OFD1: variants seen among roughly 807,000 people sequenced by gnomAD.
The protein encoded by OFD1 is centriole and centriolar satellite protein OFD1.
OFD1 carries 12 observed loss-of-function variants against 81.4 expected under a neutral mutation model. That is an observed-to-expected ratio of 0.15 (90% CI 0.09 to 0.24). The LOEUF (loss-of-function observed/expected upper bound fraction) is 0.24. Ranked by LOEUF, OFD1 falls within the 10% of genes least tolerant of loss-of-function variation. The pLI is 1.00. For synonymous variants in OFD1, 256 were observed against 263.7 expected (o/e 0.97, Z 0.28); for missense variants, 685 against 733.9 (o/e 0.93, Z 0.77).
At position 13,760,651 on chromosome X, in the gene OFD1, T is replaced by C; in HGVS notation, c.2191T>C (p.Ser731Pro). 8.3e-7 allele frequency: 1 copy of C among 1,210,996 alleles called. No individual in the cohort carries two copies. The highest frequency in any genetic ancestry group is 1.8e-5 in the South Asian group (1 of 56,922). Reference protein sequence around the residue: ...AASRLRGGTSSRRLSSTPLPK... With the variant: ...AASRLRGGTSPRRLSSTPLPK... Reference sequence around the variant, plus strand: ...CTCGAGGCTCCGCGGGGGCACTTCCTCCAGACGCCTCTCTTCCACACCCCT... The same window carrying C: ...CTCGAGGCTCCGCGGGGGCACTTCCCCCAGACGCCTCTCTTCCACACCCCT... Residue 731 changes from serine (S) to proline (P), a missense_variant, in exon 16 of 23, where the codon TCC becomes CCC. Physicochemically the swap from Ser to Pro is moderately conservative, Grantham distance 74. Around this residue, in one of 3 missense-constraint regions of OFD1, gnomAD observed 259 missense variants for 254.4 expected, o/e 1.02. Coordinates refer to ENST00000340096, the MANE Select transcript of OFD1 (RefSeq NM_003611.3).
downstream of OFD1, chrX:13,772,947 T>G: frequency 1.7e-6 from 2 of 1,208,977 alleles, no homozygotes; most frequent in Non-Finnish European, 2.2e-6. Context: ...GTTCTTCCTT[T>G]GCTTTGATAT....
intron 11 of OFD1, among the ~76,000 whole-genome samples, chrX:13,754,104 C>A (rs1167376107): frequency 1.8e-5 from 2 of 110,704 alleles, no homozygotes; most frequent in African/African-American, 6.6e-5. Flanking sequence ...ACCTCAGCCT[C>A]CCCAGTAGCT....
Position 13,769,357 on chromosome X carries a change from C to A in OFD1, c.*249C>A, listed in dbSNP as rs771551549. 1.2e-4 allele frequency: 44 copies of A among 356,355 alleles called. 1 individual carries two copies. The South Asian group carries it at 2.4e-3, about 19-fold the overall frequency. The allele number at this position is 356,355 out of a possible 1,213,427, so 29.4% of individuals were successfully genotyped here. A position where few individuals can be genotyped will look rare whatever the true frequency, so the allele number is the denominator to read the frequency against. ...AATAAAAGTAACTGGCTTTTAACCT[C>A]CTTATTTTTGTCTTAAATTTATAAA... is the stretch of plus-strand genomic sequence containing the variant. On this transcript the variant is annotated 3_prime_UTR_variant, in exon 23 of 23. Transcript: ENST00000340096.
chrX:13,768,921 GTTTT>G, intron 22 of OFD1, 136 bp downstream of exon 22: 1 of 768,504 alleles, frequency 1.3e-6, no homozygotes, highest in East Asian at 3.2e-5. Flanking sequence ...AAACAATTGA[GTTTT>G]TTGACTTGTG....
chrX:13,728,629 C>T, the OFD1 span, among the ~76,000 whole-genome samples: 1 of 111,863 alleles, frequency 8.9e-6, no homozygotes, highest in Admixed American at 9.5e-5. Context: ...TTATGACAAA[C>T]CCACAGCCAA....
the OFD1 span, chrX:13,715,724 C>T: frequency 1.3e-6 from 1 of 793,167 alleles, no homozygotes. Flanking sequence ...CTTTAGGGAT[C>T]CCTAATAAAA....
chrX:13,735,225 C>T (rs976061744), intron 1 of OFD1, 23 bp from the exon 2 acceptor site: 31 of 1,201,579 alleles, frequency 2.6e-5, no homozygotes, highest in Non-Finnish European at 3.4e-5. Context: ...CCGCAGGTAA[C>T]CTATAACCAT....
chrX:13,723,019 C>T, the OFD1 span, among the ~76,000 whole-genome samples: 4 of 106,023 alleles, frequency 3.8e-5, no homozygotes, highest in South Asian at 4.3e-4. Flanking sequence ...GGTGTGAACC[C>T]GGGAGGCGGA....
At chrX:13,757,858 A>G in intron 14 of OFD1, 68 bp downstream of exon 14, 1 of 1,093,161 alleles carries the variant, frequency 9.1e-7, no homozygotes, top group Non-Finnish European at 1.3e-6. Flanking sequence ...AACTTGGCAC[A>G]AGTCACACTA....
chrX:13,768,924 T>A lies in OFD1; in HGVS notation c.2996+139T>A, dbSNP rs1334944418. The stretch of plus-strand genomic sequence containing the variant: ...TAGTGACTATAAAAACAATTGAGTT[T>A]TTTGACTTGTGAAATTGATCCTGAT... On this transcript the variant is annotated intron_variant, in intron 22 of 22. Transcript: ENST00000340096. The A allele has an allele frequency of 7.9e-6, 6 of 763,854 alleles. No individual in the cohort carries two copies. The Admixed American group carries it at 1.4e-4, about 18-fold the overall frequency. 63.0% of individuals were successfully genotyped at this position (763,854 alleles called of 1,213,427 possible).
At chrX:13,748,904 A>C (rs1354314223) in intron 8 of OFD1, among the ~76,000 whole-genome samples, 1 of 110,806 alleles carries the variant, frequency 9.0e-6, no homozygotes, top group Non-Finnish European at 1.9e-5. Context: ...ATATCGCTTG[A>C]GTCCAGAAGT....
chrX:13,769,689 C>CT (rs1238116871), downstream of OFD1, among the ~76,000 whole-genome samples: 43 of 111,794 alleles, frequency 3.8e-4, no homozygotes, highest in African/African-American at 1.4e-3. Context: ...TTGCAGGTGA[C>CT]TAAGAGTGGG....
chrX:13,771,272 T>G (rs1373113185), downstream of OFD1: 1 of 111,401 alleles, frequency 9.0e-6, no homozygotes, highest in African/African-American at 3.3e-5. Flanking sequence ...AACACTGGAC[T>G]CTGACAGCAC....
chrX:13,767,421 T>G (rs2048171719), intron 20 of OFD1, 137 bp downstream of exon 20: 1 of 589,980 alleles, frequency 1.7e-6, no homozygotes, highest in African/African-American at 2.3e-5. Flanking sequence ...ATCCCTGTCC[T>G]CTCCTTGTCT....
rs766043236 is a variant in OFD1, at chrX:13,760,941, A to C, written c.2261-144A>C. 9 of 825,253 alleles carry C rather than the reference A, an allele frequency of 1.1e-5. No individual in the cohort carries two copies. The South Asian group carries it at 1.7e-4, about 16-fold the overall frequency. The allele number at this position is 825,253 out of a possible 1,213,427, so 68.0% of individuals were successfully genotyped here. On this transcript the variant is annotated intron_variant, in intron 16 of 22. Transcript: ENST00000340096. ...ATTTAATTTAGGTGCTTGAATCATT[A>C]GTTTTCTGGATCTTATGCATCATAA...
At chrX:13,741,934 A>G (rs2047121002) in intron 5 of OFD1, among the ~76,000 whole-genome samples, 1 of 111,659 alleles carries the variant, frequency 9.0e-6, no homozygotes, top group African/African-American at 3.3e-5. Flanking sequence ...GTGGTTTTTT[A>G]GCTGGCTCCT....
chrX:13,715,943 T>G, the OFD1 span: 1 of 1,125,190 alleles, frequency 8.9e-7, no homozygotes. Flanking sequence ...AATAGGCCAG[T>G]TTCCTGACAA....
At chrX:13,762,082 C>T (rs183968990) in intron 17 of OFD1, among the ~76,000 whole-genome samples, 3 of 110,514 alleles carry the variant, frequency 2.7e-5, no homozygotes, top group African/African-American at 6.6e-5. Flanking sequence ...CTAGGAATAG[C>T]ATTCAGAGTA....
the OFD1 span, chrX:13,716,469 C>T: frequency 8.6e-7 from 1 of 1,158,417 alleles, no homozygotes; most frequent in African/African-American, 1.8e-5. Flanking sequence ...CATCTATGTT[C>T]CATGTTCTTC....
Sources: allele counts gnomAD v4.1 joint callset (sites outside exome capture counted in the v4.1 genomes callset), GRCh38; gene constraint gnomAD v4.1.1; regional missense constraint gnomAD v4.1.1; transcripts MANE v1.5; gene names NCBI Gene and HGNC (gene_info 2026-07-23, HGNC 2026-07-21).